Variants in SLC8A1 observed in about 807,000 individuals in gnomAD.
The protein encoded by SLC8A1 is solute carrier family 8 member A1, also known as sodium/calcium exchanger 1.
A neutral mutation model predicts 68.3 loss-of-function variants in SLC8A1; 18 were observed. The ratio of observed to expected loss-of-function variants is 0.26; its 90% CI spans 0.18 to 0.39. The LOEUF (loss-of-function observed/expected upper bound fraction) is 0.39, where lower values mean the gene tolerates loss of function less well. SLC8A1 is among the 10% of genes least tolerant of loss of function. The pLI is 1.00. For synonymous variants in SLC8A1, 475 were observed against 415.5 expected (o/e 1.14, Z -1.74); for missense variants, 985 against 1,156.7 (o/e 0.85, Z 2.15).
chr2:40,116,215 G>T (rs2035329836), intron 7 of SLC8A1, among the ~76,000 whole-genome samples: 1 of 152,138 alleles, frequency 6.6e-6, no homozygotes, highest in African/African-American at 2.4e-5. Context: ...GAAAACAATT[G>T]AACTATAATA....
chr2:40,164,920 C>T (rs1195948267), exon 5 of SLC8A1: 1 of 1,613,862 alleles, frequency 6.2e-7, no homozygotes, highest in African/African-American at 1.3e-5. Flanking sequence ...TGGGGCGCCC[C>T]ATTTCTGCAA....
intron 2 of SLC8A1, among the ~76,000 whole-genome samples, chr2:40,185,623 T>C (rs1171552773): frequency 1.3e-5 from 2 of 152,098 alleles, no homozygotes; most frequent in African/African-American, 4.8e-5. Flanking sequence ...TGGAGGGAGT[T>C]GGTGACTGCT....
At chr2:40,499,166 T>A (rs1705894711) in intron 1 of SLC8A1, among the ~76,000 whole-genome samples, 1 of 151,420 alleles carries the variant, frequency 6.6e-6, no homozygotes, top group Non-Finnish European at 1.5e-5. Flanking sequence ...CTGGAACTAG[T>A]GGTATCGGAC....
intron 2 of SLC8A1, among the ~76,000 whole-genome samples, chr2:40,426,775 A>G (rs1696966080): frequency 6.6e-6 from 1 of 152,074 alleles, no homozygotes; most frequent in Non-Finnish European, 1.5e-5. Flanking sequence ...AACACGCAGT[A>G]CACTTTTAGA....
At chr2:40,327,932 A>C (rs2076019954) in intron 2 of SLC8A1, among the ~76,000 whole-genome samples, 1 of 150,080 alleles carries the variant, frequency 6.7e-6, no homozygotes. Flanking sequence ...TAAATAAGTA[A>C]ATAAATACAT....
At chr2:40,369,681 G>A (rs1263879728) in intron 2 of SLC8A1, among the ~76,000 whole-genome samples, 1 of 152,050 alleles carries the variant, frequency 6.6e-6, no homozygotes, top group Non-Finnish European at 1.5e-5. Context: ...GGAGTACGCA[G>A]GGAGCAACAT....
At chr2:40,228,518 C>G (rs1359130677) in intron 2 of SLC8A1, among the ~76,000 whole-genome samples, 1 of 152,168 alleles carries the variant, frequency 6.6e-6, no homozygotes, top group African/African-American at 2.4e-5. Context: ...CAGCCAAAAT[C>G]CCACAGTGGA....
At chr2:40,314,531 A>G (rs780059310) in intron 2 of SLC8A1, among the ~76,000 whole-genome samples, 12 of 148,120 alleles carry the variant, frequency 8.1e-5, no homozygotes, top group Non-Finnish European at 1.4e-4. Context: ...AATTTACACC[A>G]AAAAAAAAAT....
chr2:40,504,787 T>C (rs1286977122), intron 1 of SLC8A1, among the ~76,000 whole-genome samples: 2 of 151,874 alleles, frequency 1.3e-5, no homozygotes, highest in African/African-American at 2.4e-5. Context: ...AAATGGCTTT[T>C]ACACAACAGA....
rs35996211 is a variant in SLC8A1 at position 40,351,585 on chromosome 2, C to CAA, written c.1808+76886_1808+76887dup. On this transcript the variant is annotated intron_variant, in intron 2 of 7. Transcript: ENST00000406785. Reference sequence around the variant, plus strand: ...AGATTGGCATACTGAATGTTGCATCCAAAAAAAAAAAAAAGTTGGAAAACT... The same window carrying CAA: ...AGATTGGCATACTGAATGTTGCATCCAAAAAAAAAAAAAAAAGTTGGAAAACT... 1.2e-3 allele frequency among the ~76,000 whole-genome samples: 177 copies of CAA among 142,306 alleles called. 2 individuals are homozygous for CAA. The highest frequency in any genetic ancestry group is 0.012 in the East Asian group (59 of 4,926). The allele number at this position is 142,306 out of a possible 152,430, so 93.4% of individuals were successfully genotyped here.
chr2:40,238,167 A>G (rs2060674506), intron 2 of SLC8A1, among the ~76,000 whole-genome samples: 1 of 152,068 alleles, frequency 6.6e-6, no homozygotes, highest in African/African-American at 2.4e-5. Flanking sequence ...TGTTTACCTA[A>G]TCAAGCCTGG....
At chr2:40,500,896 A>T (rs1456403618) in intron 1 of SLC8A1, among the ~76,000 whole-genome samples, 4 of 138,778 alleles carry the variant, frequency 2.9e-5, no homozygotes, top group African/African-American at 1.1e-4. Flanking sequence ...AAACTAGATC[A>T]TTTATTTCTC....
intron 2 of SLC8A1, among the ~76,000 whole-genome samples, chr2:40,200,901 ATGAG>A (rs1269310264): frequency 6.6e-6 from 1 of 151,906 alleles, no homozygotes; most frequent in African/African-American, 2.4e-5. Context: ...ACTGGTGAGT[ATGAG>A]TGAGATTATA....
intron 2 of SLC8A1, among the ~76,000 whole-genome samples, chr2:40,289,645 G>T (rs2149223929): frequency 6.6e-6 from 1 of 152,152 alleles, no homozygotes; most frequent in East Asian, 1.9e-4. Context: ...GAGGTCAGGA[G>T]TTGGAGACCA....
intron 2 of SLC8A1, among the ~76,000 whole-genome samples, chr2:40,312,073 A>G (rs988399435): frequency 6.6e-6 from 1 of 152,092 alleles, no homozygotes; most frequent in Non-Finnish European, 1.5e-5. Flanking sequence ...TAGACAAAAA[A>G]TTCATGGTTA....
At chr2:40,247,147 A>C (rs1225032017) in intron 2 of SLC8A1, among the ~76,000 whole-genome samples, 1 of 152,130 alleles carries the variant, frequency 6.6e-6, no homozygotes, top group African/African-American at 2.4e-5. Flanking sequence ...GCACCTTGGA[A>C]TCAACTCTTA....
At chr2:40,410,974 AG>A (rs1184054352) in intron 2 of SLC8A1, among the ~76,000 whole-genome samples, 2 of 152,066 alleles carry the variant, frequency 1.3e-5, no homozygotes, top group African/African-American at 4.8e-5. Context: ...CCCTTTCTAT[AG>A]TACTGCAATA....
intron 1 of SLC8A1, among the ~76,000 whole-genome samples, chr2:40,439,849 G>A (rs1372608975): frequency 6.6e-6 from 1 of 152,072 alleles, no homozygotes; most frequent in East Asian, 1.9e-4. Context: ...AAGGTGATGG[G>A]TGCTCACATA....
intron 2 of SLC8A1, among the ~76,000 whole-genome samples, chr2:40,304,358 G>T (rs962950591): frequency 6.6e-5 from 10 of 152,158 alleles, no homozygotes; most frequent in Admixed American, 5.2e-4. Context: ...CCCTGTTATA[G>T]ACAGAACTCA....
Sources: gnomAD v4.1 joint callset for allele counts (sites outside exome capture counted in the v4.1 genomes callset) on GRCh38, gnomAD v4.1.1 for gene constraint, MANE v1.5 for transcripts, NCBI Gene and HGNC (gene_info 2026-07-23, HGNC 2026-07-21) for gene names.